Variants in CCDC112 observed in about 807,000 individuals in gnomAD.
The protein encoded by CCDC112 is coiled-coil domain containing 112, also known as coiled-coil domain-containing protein 112.
Under a neutral mutation model 66.3 loss-of-function variants are expected in CCDC112, and 40 were observed. That is an observed-to-expected ratio of 0.60 (90% CI 0.47 to 0.79). The LOEUF (loss-of-function observed/expected upper bound fraction) is 0.79, where lower values mean the gene tolerates loss of function less well. Ranked by LOEUF, CCDC112 falls within the 30% of genes least tolerant of loss-of-function variation. The pLI is 0.00. For synonymous variants in CCDC112, 214 were observed against 197.2 expected (o/e 1.09, Z -0.71); for missense variants, 659 against 603.8 (o/e 1.09, Z -0.96).
intron 4 of CCDC112, 98 bp from the exon 5 acceptor site, chr5:115,276,167 A>T: frequency 1.2e-6 from 1 of 843,696 alleles, no homozygotes; most frequent in Non-Finnish European, 1.9e-6. Context: ...CTAATTTTAA[A>T]ATATTTCTTA....
intron 8 of CCDC112, 64 bp from the exon 9 acceptor site, chr5:115,269,064 TAA>T: frequency 1.1e-6 from 1 of 898,422 alleles, no homozygotes; most frequent in Non-Finnish European, 1.7e-6. Flanking sequence ...AGTAAATAAG[TAA>T]AAGCCTTAGT....
rs570304545 is a variant in CCDC112, at chr5:115,267,674, C to A, written c.*202G>T. The A allele has an allele frequency of 3.5e-6, 2 of 567,598 alleles. No individual in the cohort carries two copies. Among genetic ancestry groups the A allele is most frequent in the Admixed American group, 6.9e-5 (2 of 28,976 alleles). 35.2% of individuals were successfully genotyped at this position (567,598 alleles called of 1,614,324 possible). On this transcript the variant is annotated 3_prime_UTR_variant, in exon 10 of 10. Coordinates refer to ENST00000379611, the MANE Select transcript of CCDC112 (RefSeq NM_001040440.3). ...AACTTTTACATCAATAATAGGCCAA[C>A]ACATATATTAAATACCTTCTTGGTA...
Position 115,268,870 on chromosome 5 carries a change from A to C in CCDC112, c.1547+12T>G. On this transcript the variant is annotated intron_variant, in intron 9 of 9. Transcript: ENST00000379611. ...AATTACTAAATGAACACCAATTCTA[A>C]CTCTTTCTTACCTATGTGGGATATG... is the stretch of plus-strand genomic sequence containing the variant. The C allele has an allele frequency of 2.0e-6, 3 of 1,478,798 alleles. No homozygotes were observed. The highest frequency in any genetic ancestry group is 2.8e-6 in the Non-Finnish European group (3 of 1,086,438). The allele number at this position is 1,478,798 out of a possible 1,614,324, so 91.6% of individuals were successfully genotyped here.
At chr5:115,279,284 T>C (rs923208472) in intron 3 of CCDC112, among the ~76,000 whole-genome samples, 84 of 152,140 alleles carry the variant, frequency 5.5e-4, no homozygotes, top group Admixed American at 5.4e-3. Flanking sequence ...CAGTCAACAA[T>C]GCCAGGGTAA....
chr5:115,288,518 G>A (rs1393809332), intron 1 of CCDC112, among the ~76,000 whole-genome samples: 2 of 152,142 alleles, frequency 1.3e-5, no homozygotes, highest in African/African-American at 4.8e-5. Flanking sequence ...GTCACAGAGT[G>A]CATACAATTC....
intron 1 of CCDC112, among the ~76,000 whole-genome samples, chr5:115,290,857 T>C (rs73257482): frequency 0.035 from 5,262 of 152,282 alleles, 332 homozygotes; most frequent in African/African-American, 0.12. Context: ...TGTACTTGTT[T>C]ATTAGTTTTC....
At chr5:115,277,109 T>C (rs755916427) in intron 3 of CCDC112, 55 bp from the exon 4 acceptor site, 179 of 1,032,634 alleles carry the variant, frequency 1.7e-4, no homozygotes, top group South Asian at 2.6e-4. Context: ...GTGGTTACAA[T>C]TCAGGAATCT....
At chr5:115,272,451 C>G (rs1321157048) in intron 6 of CCDC112, among the ~76,000 whole-genome samples, 1 of 152,178 alleles carries the variant, frequency 6.6e-6, no homozygotes. Context: ...GGATGAGCCA[C>G]TAAACTTCTC....
rs183930619 is a variant in CCDC112 at position 115,286,551 on chromosome 5, A to G, written c.118-1643T>C. The stretch of plus-strand genomic sequence containing the variant: ...ATGCATGTTTTCAATTCTCTTCATT[A>G]TATACCTAGCAGCAGAATTTCTGGA... On this transcript the variant is annotated intron_variant, in intron 1 of 9. Coordinates refer to ENST00000379611, the MANE Select transcript of CCDC112 (RefSeq NM_001040440.3). Among the ~76,000 whole-genome samples the G allele has an allele frequency of 6.6e-5, 10 of 152,260 alleles. No individual in the cohort carries two copies. The East Asian group carries it at 1.9e-3, about 29-fold the overall frequency.
intron 2 of CCDC112, among the ~76,000 whole-genome samples, chr5:115,281,561 A>G (rs976411354): frequency 1.3e-5 from 2 of 152,224 alleles, no homozygotes; most frequent in Non-Finnish European, 2.9e-5. Flanking sequence ...AAGTTCATCT[A>G]GGCTCTGGTT....
At chr5:115,278,293 A>C (rs1473577584) in intron 3 of CCDC112, among the ~76,000 whole-genome samples, 1 of 152,150 alleles carries the variant, frequency 6.6e-6, no homozygotes, top group Non-Finnish European at 1.5e-5. Context: ...ATTTAAGTAC[A>C]ATATGACATA....
At chr5:115,281,780 T>C (rs528068731) in intron 2 of CCDC112, among the ~76,000 whole-genome samples, 15 of 152,252 alleles carry the variant, frequency 9.9e-5, no homozygotes, top group African/African-American at 3.1e-4. Context: ...ACCTCCTCAA[T>C]AGAAGAAATG....
At chr5:115,268,528 C>T (rs1748854831) in intron 9 of CCDC112, among the ~76,000 whole-genome samples, 1 of 151,960 alleles carries the variant, frequency 6.6e-6, no homozygotes, top group Non-Finnish European at 1.5e-5. Flanking sequence ...TCCTTGGCCT[C>T]CCAAAGTGCT....
intron 1 of CCDC112, among the ~76,000 whole-genome samples, chr5:115,288,359 T>C (rs1489211080): frequency 6.6e-6 from 1 of 152,210 alleles, no homozygotes; most frequent in African/African-American, 2.4e-5. Flanking sequence ...GGTGATCAAG[T>C]ACCAGTATCT....
At chr5:115,270,479 T>G (rs1309885563) in intron 7 of CCDC112, among the ~76,000 whole-genome samples, 1 of 152,214 alleles carries the variant, frequency 6.6e-6, no homozygotes, top group African/African-American at 2.4e-5. Flanking sequence ...TATATATGTT[T>G]GTTTAAAATC....
rs1206575230 is a variant in CCDC112 at position 115,269,728 on chromosome 5, C to G, written c.1403G>C (p.Arg468Thr). Residue 468 changes from arginine to threonine, a missense_variant, in exon 8 of 10, where the codon AGA (arginine) becomes ACA (threonine). Transcript: ENST00000379611. ...AKEDEKSQKQ[R>T]RLAKLKEKVE... is the part of the protein sequence containing the mutation. Reference sequence around the variant, plus strand: ...CTTTTCTTTTAATTTTGCCAGTCTTCTTTGTTTTTGTGACTTTTCATCTTC... The same window carrying G: ...CTTTTCTTTTAATTTTGCCAGTCTTGTTTGTTTTTGTGACTTTTCATCTTC... The G allele has an allele frequency of 5.6e-6, 9 of 1,599,436 alleles. No homozygotes were observed. Among genetic ancestry groups the G allele is most frequent in the Non-Finnish European group, 7.7e-6 (9 of 1,174,102 alleles).
chr5:115,283,308 G>A (rs1749533746), intron 2 of CCDC112, among the ~76,000 whole-genome samples: 1 of 151,876 alleles, frequency 6.6e-6, no homozygotes, highest in African/African-American at 2.4e-5. Context: ...CCAGACTCCT[G>A]GTAATCACCA....
chr5:115,277,254 A>G (rs900839393), intron 3 of CCDC112, 200 bp from the exon 4 acceptor site: 1 of 445,550 alleles, frequency 2.2e-6, no homozygotes, highest in Non-Finnish European at 4.0e-6. Flanking sequence ...TCAATATTTA[A>G]AAGCATAATG....
In CCDC112 at chr5:115,279,689, C is replaced by G; in HGVS notation, c.319G>C (p.Glu107Gln). The change falls in exon 3 of 10, where the codon GAA becomes CAA. Residue 107 changes from glutamate (E) to glutamine (Q), a missense_variant. Physicochemically the swap from Glu to Gln is conservative, Grantham distance 29. Transcript: ENST00000379611. ...SDFRIEHSML[E>Q]ELENKLIHSR... ...TGAATCAATTTATTTTCCAATTCTT[C>G]TAGCATACTATGCTCAATTCTGAAG... 1 of 1,611,110 alleles carries G rather than the reference C, an allele frequency of 6.2e-7. No homozygotes were observed. Among genetic ancestry groups the G allele is most frequent in the Non-Finnish European group, 8.5e-7 (1 of 1,178,192 alleles).
Sources: gnomAD v4.1 joint callset for allele counts (sites outside exome capture counted in the v4.1 genomes callset) on GRCh38, gnomAD v4.1.1 for gene constraint, MANE v1.5 for transcripts, NCBI Gene and HGNC (gene_info 2026-07-23, HGNC 2026-07-21) for gene names.